Variants in RSRC1 observed in about 807,000 individuals in gnomAD.
RSRC1 encodes the protein arginine and serine rich coiled-coil 1.
RSRC1 carries 39 observed loss-of-function variants against 49.1 expected under a neutral mutation model. The observed-to-expected ratio is 0.79, with a 90% confidence interval of 0.61 to 1.04. The LOEUF is 1.04. Ranked by LOEUF, RSRC1 falls within the 50% of genes least tolerant of loss-of-function variation. The probability of loss-of-function intolerance (pLI) is 0.00; values close to 1 mark genes in which losing one functional copy is unlikely to be tolerated. For synonymous variants in RSRC1, 143 were observed against 130.8 expected, an observed-to-expected ratio of 1.09 and a Z score of -0.63; for missense variants, 388 against 402.4, an observed-to-expected ratio of 0.96 and a Z score of 0.31.
chr3:158,325,554 T>C (rs1241039916), intron 5 of RSRC1, among the ~76,000 whole-genome samples: 10 of 152,214 alleles, frequency 6.6e-5, no homozygotes, highest in Non-Finnish European at 8.8e-5. Context: ...TATGGTATTA[T>C]TTCTGAGGGC....
At chr3:158,203,813 G>T (rs954621365) in intron 4 of RSRC1, among the ~76,000 whole-genome samples, 1 of 152,134 alleles carries the variant, frequency 6.6e-6, no homozygotes, top group Non-Finnish European at 1.5e-5. Context: ...ATTTTTCATA[G>T]AATTGATATT....
At chr3:158,437,007 C>T (rs184365439) in intron 6 of RSRC1, among the ~76,000 whole-genome samples, 11 of 140,388 alleles carry the variant, frequency 7.8e-5, no homozygotes. Flanking sequence ...AATATCTCTG[C>T]TATAATACCT....
At chr3:158,277,339 A>G (rs1475415160) in intron 4 of RSRC1, among the ~76,000 whole-genome samples, 1 of 152,232 alleles carries the variant, frequency 6.6e-6, no homozygotes, top group Non-Finnish European at 1.5e-5. Context: ...TCACACAGAT[A>G]GGTATTGCCA....
intron 4 of RSRC1, among the ~76,000 whole-genome samples, chr3:158,242,803 T>G (rs1723668854): frequency 6.6e-6 from 1 of 152,166 alleles, no homozygotes; most frequent in African/African-American, 2.4e-5. Flanking sequence ...TCTCTAATAA[T>G]CTGTGATGTT....
intron 5 of RSRC1, among the ~76,000 whole-genome samples, chr3:158,353,053 T>G (rs557411854): frequency 9.8e-5 from 15 of 152,336 alleles, no homozygotes; most frequent in African/African-American, 3.4e-4. Context: ...AAGTAGTCTT[T>G]ATTGGTTGTC....
At chr3:158,213,784 A>G (rs1721813834) in intron 4 of RSRC1, among the ~76,000 whole-genome samples, 1 of 151,946 alleles carries the variant, frequency 6.6e-6, no homozygotes, top group South Asian at 2.1e-4. Context: ...AGAAATGGGT[A>G]GATATCAGAT....
chr3:158,233,852 C>A (rs1244199361), intron 4 of RSRC1, among the ~76,000 whole-genome samples: 1 of 152,052 alleles, frequency 6.6e-6, no homozygotes. Flanking sequence ...TATTCATTCT[C>A]CATGTATGGA....
At chr3:158,456,475 A>T (rs1737323956) in intron 6 of RSRC1, among the ~76,000 whole-genome samples, 1 of 152,184 alleles carries the variant, frequency 6.6e-6, no homozygotes. Context: ...AATTTCTGTC[A>T]CAACTACTAT....
chr3:158,244,638 T>C (rs956217248), intron 4 of RSRC1, among the ~76,000 whole-genome samples: 7 of 152,220 alleles, frequency 4.6e-5, no homozygotes, highest in Non-Finnish European at 1.0e-4. Context: ...GCTGGCCTCA[T>C]AGAATGAGTT....
rs1029926577 is a variant in RSRC1 at position 158,335,535 on chromosome 3, T to A, written c.532-19322T>A. ...GAAGCAGCGGAGGGTCATTGAGGTA[T>A]TTTTTAAGGTACAAACTAAATTGGA... On this transcript the variant is annotated intron_variant, in intron 5 of 9. Coordinates refer to ENST00000611884, the MANE Select transcript of RSRC1 (RefSeq NM_001271838.2). Among the ~76,000 whole-genome samples, 3 of 152,210 alleles carry A rather than the reference T, an allele frequency of 2.0e-5. No homozygotes were observed. In the East Asian group the frequency reaches 5.8e-4, roughly 29 times the overall value.
At chr3:158,249,944 A>G (rs1724116348) in intron 4 of RSRC1, among the ~76,000 whole-genome samples, 1 of 152,110 alleles carries the variant, frequency 6.6e-6, no homozygotes, top group African/African-American at 2.4e-5. Context: ...CCCACTAACC[A>G]TCCTGACTTC....
intron 8 of RSRC1, among the ~76,000 whole-genome samples, chr3:158,540,109 G>A (rs957489764): frequency 2.0e-5 from 3 of 152,112 alleles, no homozygotes; most frequent in Non-Finnish European, 2.9e-5. Flanking sequence ...TCTTGGATTA[G>A]CGTATTTCCC....
rs1480091124 is a variant in RSRC1, at chr3:158,399,445, C to T, written c.583+44537C>T. On this transcript the variant is annotated intron_variant, in intron 6 of 9. Coordinates refer to ENST00000611884, the MANE Select transcript of RSRC1 (RefSeq NM_001271838.2). The stretch of plus-strand genomic sequence containing the variant: ...TGCTGGGATTACAGGCGTGAGCCAC[C>T]GCGCCCGGCCCTATTATTTCCTTTT... Among the ~76,000 whole-genome samples the T allele has an allele frequency of 8.4e-5, 3 of 35,746 alleles. 1 individual carries two copies. The East Asian group carries it at 1.3e-3, about 15-fold the overall frequency. 23.5% of individuals were successfully genotyped at this position (35,746 alleles called of 152,430 possible).
chr3:158,197,860 T>C (rs1366998353), intron 3 of RSRC1, among the ~76,000 whole-genome samples: 1 of 152,130 alleles, frequency 6.6e-6, no homozygotes, highest in Non-Finnish European at 1.5e-5. Flanking sequence ...TGAGAGACAG[T>C]TTGTTATAAT....
chr3:158,537,408 T>A (rs1012051819), intron 8 of RSRC1, among the ~76,000 whole-genome samples: 1 of 151,670 alleles, frequency 6.6e-6, no homozygotes, highest in Non-Finnish European at 1.5e-5. Context: ...ATAAAATGTG[T>A]CAGATGTCAT....
At chr3:158,151,917 T>C (rs1324344315) in intron 3 of RSRC1, among the ~76,000 whole-genome samples, 1 of 152,124 alleles carries the variant, frequency 6.6e-6, no homozygotes, top group African/African-American at 2.4e-5. Flanking sequence ...GTAACATATA[T>C]TTAATATTGT....
intron 4 of RSRC1, among the ~76,000 whole-genome samples, chr3:158,242,893 T>A (rs958697869): frequency 6.6e-6 from 1 of 152,030 alleles, no homozygotes; most frequent in South Asian, 2.1e-4. Context: ...CCACTTTTAA[T>A]GGAGTTGTTT....
At chr3:158,129,409 G>A (rs1366503267) in intron 3 of RSRC1, among the ~76,000 whole-genome samples, 1 of 148,136 alleles carries the variant, frequency 6.8e-6, no homozygotes, top group Admixed American at 6.9e-5. Context: ...TCGTGCCTCA[G>A]CCTCCCGGGT....
At chr3:158,452,683 A>G (rs1450633478) in intron 6 of RSRC1, among the ~76,000 whole-genome samples, 1 of 152,206 alleles carries the variant, frequency 6.6e-6, no homozygotes. Flanking sequence ...ACATTTTGCT[A>G]GATGTTTTTA....
Sources: allele counts gnomAD v4.1 joint callset (sites outside exome capture counted in the v4.1 genomes callset), GRCh38; gene constraint gnomAD v4.1.1; transcripts MANE v1.5; gene names NCBI Gene and HGNC (gene_info 2026-07-23, HGNC 2026-07-21).